The following PATJ variants were observed in gnomAD, a reference collection of about 807,000 sequenced individuals.
PATJ encodes PATJ crumbs cell polarity complex component, also known as inaD-like protein.
A neutral mutation model predicts 224.9 loss-of-function variants in PATJ; 190 were observed. The observed-to-expected ratio is 0.84, with a 90% CI of 0.75 to 0.95. The LOEUF is 0.95. Ranked by LOEUF, PATJ falls within the 40% of genes least tolerant of loss-of-function variation. The probability of loss-of-function intolerance (pLI) is 0.00; values close to 1 mark genes in which losing one functional copy is unlikely to be tolerated. For missense variants in PATJ, 2,121 were observed against 2,270.3 expected (o/e 0.93, Z 1.34); for synonymous variants, 769 against 820.3 (o/e 0.94, Z 1.07).
At chr1:61,984,883 G>A (rs1250682259) in intron 27 of PATJ, among the ~76,000 whole-genome samples, 2 of 151,970 alleles carry the variant, frequency 1.3e-5, no homozygotes, top group Admixed American at 6.6e-5. Context: ...AGATTTTGAG[G>A]TCCTTGAAAA....
chr1:62,028,524 A>C (rs1407798396), intron 29 of PATJ, among the ~76,000 whole-genome samples: 1 of 152,174 alleles, frequency 6.6e-6, no homozygotes, highest in East Asian at 1.9e-4. Context: ...CACGCCTGTC[A>C]TCCCAGCACT....
At chr1:61,926,087 G>A (rs1203690043) in intron 26 of PATJ, among the ~76,000 whole-genome samples, 4 of 152,196 alleles carry the variant, frequency 2.6e-5, no homozygotes, top group Non-Finnish European at 1.5e-5. Context: ...TAGTCATTCA[G>A]CAAATAGTTC....
intron 9 of PATJ, among the ~76,000 whole-genome samples, chr1:61,795,001 T>C (rs762536829): frequency 5.4e-5 from 8 of 147,718 alleles, no homozygotes; most frequent in Non-Finnish European, 7.4e-5. Context: ...AACAAAAAGA[T>C]CATATATAGT....
At chr1:62,017,729 CAAAAA>C (rs58692636) in intron 28 of PATJ, 122 bp from the exon 29 acceptor site, 440 of 323,636 alleles carry the variant, frequency 1.4e-3, no homozygotes, top group Non-Finnish European at 1.8e-3. Flanking sequence ...GAGACTGTCT[CAAAAA>C]AAAAAAAAAA....
chr1:61,895,828 T>C (rs1670284387), intron 22 of PATJ, among the ~76,000 whole-genome samples: 1 of 152,112 alleles, frequency 6.6e-6, no homozygotes, highest in Admixed American at 6.5e-5. Context: ...GCAGCTTGCA[T>C]ATGCAGCTGG....
intron 27 of PATJ, among the ~76,000 whole-genome samples, chr1:61,984,158 A>ATT (rs1453250650): frequency 2.4e-4 from 31 of 131,516 alleles, no homozygotes; most frequent in African/African-American, 8.0e-4. Context: ...AATTATTATT[A>ATT]TTATTATTTT....
Position 62,108,547 on chromosome 1 carries a change from A to G in PATJ, c.4461+27A>G, listed in dbSNP as rs753220573. 5 of 1,422,758 alleles carry G rather than the reference A, an allele frequency of 3.5e-6. No homozygotes were observed. The South Asian group carries it at 4.8e-5, about 14-fold the overall frequency. The allele number at this position is 1,422,758 out of a possible 1,614,324, so 88.1% of individuals were successfully genotyped here. A position where few individuals can be genotyped will look rare whatever the true frequency, so the allele number is the denominator to read the frequency against. ...TATATGGTTTTGAATTTTATTTTATATCAGTAAATGTGGTTCCTTTGCTGG... is the reference window on the plus strand; with the variant it reads ...TATATGGTTTTGAATTTTATTTTATGTCAGTAAATGTGGTTCCTTTGCTGG... On this transcript the variant is annotated intron_variant, in intron 34 of 43. Coordinates refer to ENST00000642238, the MANE Select transcript of PATJ (RefSeq NM_001350145.3).
intron 31 of PATJ, among the ~76,000 whole-genome samples, chr1:62,075,010 A>T: frequency 6.6e-6 from 1 of 152,182 alleles, no homozygotes. Flanking sequence ...ACCTACCTCA[A>T]GCACATATCA....
At chr1:62,053,856 C>T (rs1654083654) in intron 31 of PATJ, among the ~76,000 whole-genome samples, 1 of 152,042 alleles carries the variant, frequency 6.6e-6, no homozygotes, top group Non-Finnish European at 1.5e-5. Flanking sequence ...GAATATAGGG[C>T]AAATAGAGCT....
intron 24 of PATJ, among the ~76,000 whole-genome samples, chr1:61,905,805 G>A (rs1223616245): frequency 6.6e-6 from 1 of 152,020 alleles, no homozygotes; most frequent in African/African-American, 2.4e-5. Flanking sequence ...CAGATGTGTG[G>A]GGGTTTACCC....
intron 27 of PATJ, among the ~76,000 whole-genome samples, chr1:61,934,557 T>C (rs963953264): frequency 6.6e-6 from 1 of 152,150 alleles, no homozygotes; most frequent in Non-Finnish European, 1.5e-5. Flanking sequence ...TTGAAGAAGG[T>C]ATTATACCTT....
intron 12 of PATJ, among the ~76,000 whole-genome samples, chr1:61,803,156 A>T (rs1335754661): frequency 3.3e-5 from 5 of 152,210 alleles, no homozygotes; most frequent in Non-Finnish European, 7.3e-5. Flanking sequence ...TATTACAATG[A>T]CAAGACAAAG....
chr1:62,066,895 G>T (rs1362398955), intron 31 of PATJ, among the ~76,000 whole-genome samples: 1 of 152,042 alleles, frequency 6.6e-6, no homozygotes, highest in African/African-American at 2.4e-5. Context: ...CCACCTCTGG[G>T]TGGGGCCACA....
chr1:62,020,691 T>C (rs1337069699), intron 29 of PATJ, among the ~76,000 whole-genome samples: 1 of 152,250 alleles, frequency 6.6e-6, no homozygotes, highest in Non-Finnish European at 1.5e-5. Flanking sequence ...TGCTGAATGC[T>C]TATTTACTGG....
At chr1:61,799,138 C>G (rs1366478774) in intron 11 of PATJ, among the ~76,000 whole-genome samples, 1 of 151,942 alleles carries the variant, frequency 6.6e-6, no homozygotes, top group Non-Finnish European at 1.5e-5. Context: ...TTAAAAATTG[C>G]CTAAATAGTC....
rs549300954 is a variant in PATJ, at chr1:61,803,477, A to G, written c.1549+1708A>G. Among the ~76,000 whole-genome samples, 12 of 152,304 alleles carry G rather than the reference A, an allele frequency of 7.9e-5. No individual in the cohort carries two copies. The East Asian group carries it at 1.3e-3, about 17-fold the overall frequency. On this transcript the variant is annotated intron_variant, in intron 12 of 43. Coordinates refer to ENST00000642238, the MANE Select transcript of PATJ (RefSeq NM_001350145.3). ...CAATATAACGGTCTTGGCATCTTAT[A>G]TGTTATGTTCCCGTTTTAAATCAAG... is the stretch of plus-strand genomic sequence containing the variant.
chr1:62,066,479 G>C (rs1174407617), intron 31 of PATJ, among the ~76,000 whole-genome samples: 1 of 151,980 alleles, frequency 6.6e-6, no homozygotes, highest in African/African-American at 2.4e-5. Context: ...GACCTCCTGG[G>C]CTCAAGCAGT....
intron 42 of PATJ, among the ~76,000 whole-genome samples, chr1:62,148,783 A>C (rs1354358259): frequency 6.6e-6 from 1 of 152,160 alleles, no homozygotes; most frequent in African/African-American, 2.4e-5. Context: ...CAGTCATCGC[A>C]GTTAAAGTTG....
At chr1:62,005,421 T>TTG (rs1646032618) in intron 28 of PATJ, among the ~76,000 whole-genome samples, 1 of 151,586 alleles carries the variant, frequency 6.6e-6, no homozygotes, top group African/African-American at 2.4e-5. Context: ...GATGTGGTTT[T>TTG]TTTTTTTTTT....
Sources: gnomAD v4.1 joint callset for allele counts (sites outside exome capture counted in the v4.1 genomes callset) on GRCh38, gnomAD v4.1.1 for gene constraint, MANE v1.5 for transcripts, NCBI Gene and HGNC (gene_info 2026-07-23, HGNC 2026-07-21) for gene names.